The following CDH23 variants were observed in gnomAD, a reference collection of about 807,000 sequenced individuals.
CDH23 encodes the protein cadherin-23.
A neutral mutation model predicts 317.1 loss-of-function variants in CDH23; 189 were observed. The ratio of observed to expected loss-of-function variants is 0.60; its 90% CI spans 0.53 to 0.67. The LOEUF is 0.67. Ranked by LOEUF, CDH23 falls within the 30% of genes least tolerant of loss-of-function variation. CDH23 has a pLI of 0.00. For missense variants in CDH23, 4,401 were observed against 4,592.4 expected, an observed-to-expected ratio of 0.96 and a Z score of 1.20; for synonymous variants, 1,839 against 1,876.8, an observed-to-expected ratio of 0.98 and a Z score of 0.52.
chr10:71,643,749 C>G (rs1862687688), intron 11 of CDH23, 112 bp from the exon 12 acceptor site: 1 of 714,464 alleles, frequency 1.4e-6, no homozygotes, highest in Non-Finnish European at 2.6e-6. Context: ...GGGTCCCTCC[C>G]ATGACCCAGG....
At chr10:71,518,251 C>G (rs942368010) in intron 6 of CDH23, among the ~76,000 whole-genome samples, 3 of 152,216 alleles carry the variant, frequency 2.0e-5, no homozygotes, top group African/African-American at 7.2e-5. Context: ...TCCCCAGAGT[C>G]AGATAGACCT....
chr10:71,734,001 G>T (rs958617465), intron 32 of CDH23, among the ~76,000 whole-genome samples: 1 of 152,242 alleles, frequency 6.6e-6, no homozygotes, highest in African/African-American at 2.4e-5. Flanking sequence ...CTACAACAGA[G>T]GGGTAGTGGA....
chr10:71,542,308 AC>A (rs1856031121), intron 6 of CDH23, among the ~76,000 whole-genome samples: 1 of 152,122 alleles, frequency 6.6e-6, no homozygotes, highest in African/African-American at 2.4e-5. Context: ...TTTCTCCAGA[AC>A]CTCCTTTTCC....
intron 18 of CDH23, 145 bp from the exon 19 acceptor site, chr10:71,687,502 C>T (rs1043334752): frequency 2.8e-6 from 2 of 716,056 alleles, no homozygotes; most frequent in African/African-American, 1.7e-5. Flanking sequence ...CCTGCTGACA[C>T]CTCACCTGGC....
At chr10:71,659,923 A>ACT (rs1863573408) in intron 14 of CDH23, among the ~76,000 whole-genome samples, 1 of 148,100 alleles carries the variant, frequency 6.8e-6, no homozygotes, top group Non-Finnish European at 1.5e-5. Context: ...GTTTACCCTG[A>ACT]CTCAGCTGTT....
intron 6 of CDH23, among the ~76,000 whole-genome samples, chr10:71,545,739 A>G (rs1048581223): frequency 2.0e-5 from 3 of 152,162 alleles, no homozygotes; most frequent in African/African-American, 4.8e-5. Flanking sequence ...AAGGGCCACA[A>G]AGAAAAATAA....
At chr10:71,634,143 T>C (rs1346752390) in intron 11 of CDH23, among the ~76,000 whole-genome samples, 1 of 152,150 alleles carries the variant, frequency 6.6e-6, no homozygotes, top group African/African-American at 2.4e-5. Flanking sequence ...CCTGGAGGCC[T>C]CTAGAGGGCC....
intron 6 of CDH23, among the ~76,000 whole-genome samples, chr10:71,555,978 C>T (rs1348104023): frequency 3.3e-5 from 5 of 152,092 alleles, no homozygotes; most frequent in Non-Finnish European, 7.4e-5. Flanking sequence ...GAGTGTCAGT[C>T]ATTGGGTGGT....
chr10:71,813,058 G>T (rs1841996507), intron 68 of CDH23, among the ~76,000 whole-genome samples, 168 bp downstream of exon 68: 1 of 152,188 alleles, frequency 6.6e-6, no homozygotes, highest in Non-Finnish European at 1.5e-5. Context: ...GGCCTTAAGG[G>T]CAGGGCTCAG....
intron 28 of CDH23, chr10:71,713,159 G>C: frequency 1.3e-6 from 1 of 779,256 alleles, no homozygotes; most frequent in African/African-American, 1.7e-5. Context: ...TGAGAAGAGA[G>C]CCAGGGCCCA....
chr10:71,519,965 T>C (rs998815664), intron 6 of CDH23, among the ~76,000 whole-genome samples: 32 of 151,992 alleles, frequency 2.1e-4, no homozygotes, highest in Admixed American at 8.5e-4. Flanking sequence ...ATTTTTGTAT[T>C]TTTTGTAGGG....
chr10:71,574,015 TA>T, intron 8 of CDH23, among the ~76,000 whole-genome samples: 1 of 152,168 alleles, frequency 6.6e-6, no homozygotes, highest in Non-Finnish European at 1.5e-5. Flanking sequence ...CATGTCCCTT[TA>T]CAGTGTAGAA....
intron 14 of CDH23, among the ~76,000 whole-genome samples, chr10:71,659,094 G>C (rs1863537249): frequency 6.6e-6 from 1 of 152,242 alleles, no homozygotes; most frequent in African/African-American, 2.4e-5. Flanking sequence ...GCTCCTGTCA[G>C]AAGTCACCCT....
intron 3 of CDH23, among the ~76,000 whole-genome samples, chr10:71,508,983 A>G (rs913250814): frequency 2.0e-5 from 3 of 152,168 alleles, no homozygotes; most frequent in Non-Finnish European, 4.4e-5. Context: ...CCTGAAAGCT[A>G]CACAGGGGAG....
chr10:71,421,923 G>C (rs1848838938), intron 1 of CDH23, among the ~76,000 whole-genome samples: 1 of 151,902 alleles, frequency 6.6e-6, no homozygotes, highest in Non-Finnish European at 1.5e-5. Flanking sequence ...AAAGAGGAAG[G>C]GTGTTAAGAG....
At position 71,531,258 on chromosome 10, in the gene CDH23, C is replaced by T. The variant is rs575410357; in HGVS notation, c.429+20046C>T. On this transcript the variant is annotated intron_variant, in intron 6 of 69. Coordinates refer to ENST00000224721, the MANE Select transcript of CDH23 (RefSeq NM_022124.6). ...AAGAGCAAAGAGGCCTCAGAGCTGT[C>T]CTTCATTTGCCAAGACTCCCCCAGC... Among the ~76,000 whole-genome samples, 3 of 152,272 alleles carry T rather than the reference C, an allele frequency of 2.0e-5. No individual in the cohort carries two copies. The South Asian group carries it at 6.2e-4, about 32-fold the overall frequency.
Position 71,751,844 on chromosome 10 carries a change from T to C in CDH23, c.4845+9923T>C, listed in dbSNP as rs1487477963. 1.0e-5 allele frequency: 16 copies of C among 1,558,302 alleles called. No homozygotes were observed. Among genetic ancestry groups the C allele is most frequent in the Non-Finnish European group, 1.4e-5 (16 of 1,152,004 alleles). On this transcript the variant is annotated intron_variant, in intron 38 of 69. Coordinates refer to ENST00000224721, the MANE Select transcript of CDH23 (RefSeq NM_022124.6). The surrounding 1 kb of genome is among the most constrained non-coding windows in gnomAD (Gnocchi z 4.9). ...TGGTGAGGCTTCAAAGCCGGGGTTTTCAATCCCTTGAATGTTGCTGCCACA... is the reference window on the plus strand; with the variant it reads ...TGGTGAGGCTTCAAAGCCGGGGTTTCCAATCCCTTGAATGTTGCTGCCACA...
chr10:71,703,843 C>T (rs1865681064), intron 24 of CDH23, among the ~76,000 whole-genome samples: 3 of 152,222 alleles, frequency 2.0e-5, no homozygotes, highest in Admixed American at 2.0e-4. Context: ...CAAGTCAACC[C>T]CCAAACCCTG....
chr10:71,617,538 T>A, intron 11 of CDH23, 145 bp downstream of exon 11: 3 of 1,475,746 alleles, frequency 2.0e-6, no homozygotes, highest in Admixed American at 4.6e-5. Context: ...TAAATAAGGC[T>A]GAAAAAAAAA....
Sources: allele counts gnomAD v4.1 joint callset (sites outside exome capture counted in the v4.1 genomes callset), GRCh38; gene constraint gnomAD v4.1.1; non-coding constraint Gnocchi (gnomAD v3.1); transcripts MANE v1.5; gene names NCBI Gene and HGNC (gene_info 2026-07-23, HGNC 2026-07-21).